Variants in SNX29 observed in about 807,000 individuals in gnomAD.
SNX29 encodes the protein sorting nexin-29.
SNX29 carries 78 observed loss-of-function variants against 102.1 expected under a neutral mutation model. The ratio of observed to expected loss-of-function variants is 0.76; its 90% CI spans 0.64 to 0.92. The LOEUF (loss-of-function observed/expected upper bound fraction) is 0.92. SNX29 is among the 40% of genes least tolerant of loss of function. The pLI is 0.00. For missense variants in SNX29, 1,280 were observed against 1,061.7 expected (o/e 1.21, Z -2.86); for synonymous variants, 580 against 414.5 (o/e 1.40, Z -4.85).
chr16:12,010,179 C>T (rs1182326803), intron 3 of SNX29, among the ~76,000 whole-genome samples: 1 of 152,156 alleles, frequency 6.6e-6, no homozygotes, highest in Non-Finnish European at 1.5e-5. Flanking sequence ...AGTAAGTTTC[C>T]AGTAATTGTT....
intron 11 of SNX29, among the ~76,000 whole-genome samples, chr16:12,101,394 T>A (rs1408066805): frequency 4.6e-5 from 7 of 151,566 alleles, no homozygotes; most frequent in South Asian, 2.1e-4. Context: ...TTATTTTTTT[T>A]TTTTTTTGAG....
chr16:12,007,256 G>C (rs1233348043), intron 3 of SNX29, among the ~76,000 whole-genome samples: 3 of 152,274 alleles, frequency 2.0e-5, no homozygotes, highest in Admixed American at 1.3e-4. Flanking sequence ...TATAATCCCA[G>C]CCTTTTGGGA....
chr16:12,429,206 A>G (rs2085211452), intron 18 of SNX29, among the ~76,000 whole-genome samples: 1 of 152,338 alleles, frequency 6.6e-6, no homozygotes. Flanking sequence ...ATTGCAAGTA[A>G]TATCTCCTTC....
chr16:12,401,107 A>G (rs1362145722), intron 17 of SNX29, among the ~76,000 whole-genome samples: 2 of 152,162 alleles, frequency 1.3e-5, no homozygotes, highest in East Asian at 3.9e-4. Flanking sequence ...TTGAGATTAC[A>G]GGCGTGAGCC....
intron 16 of SNX29, among the ~76,000 whole-genome samples, chr16:12,371,930 T>TTTCA (rs1452019326): frequency 1.5e-3 from 221 of 152,294 alleles, no homozygotes; most frequent in Non-Finnish European, 2.9e-4. Context: ...CGCTCTGCAT[T>TTTCA]TTCACCATTT....
At position 12,382,233 on chromosome 16, in the gene SNX29, G is replaced by A. The variant is rs140607578; in HGVS notation, c.1900-16213G>A. The stretch of plus-strand genomic sequence containing the variant: ...TCATTACTCCACCAGCAGGGAAGTC[G>A]TATTTCCCTGTTTTCTAACTGAGAA... On this transcript the variant is annotated intron_variant, in intron 16 of 20. Coordinates refer to ENST00000566228, the MANE Select transcript of SNX29 (RefSeq NM_032167.5). Among the ~76,000 whole-genome samples, 288 of 152,274 alleles carry A rather than the reference G, an allele frequency of 1.9e-3. 2 individuals carry two copies. The highest frequency in any genetic ancestry group is 6.5e-3 in the African/African-American group (269 of 41,552).
chr16:12,454,344 T>C (rs896931773), intron 18 of SNX29, among the ~76,000 whole-genome samples: 1 of 152,206 alleles, frequency 6.6e-6, no homozygotes, highest in African/African-American at 2.4e-5. Context: ...CCCTGCAGAC[T>C]GCTTGTCCAT....
chr16:12,286,465 C>T (rs1392324504), intron 15 of SNX29, among the ~76,000 whole-genome samples: 1 of 151,418 alleles, frequency 6.6e-6, no homozygotes, highest in Non-Finnish European at 1.5e-5. Flanking sequence ...TCTGCCTCAG[C>T]CTCCCAAGTA....
intron 14 of SNX29, among the ~76,000 whole-genome samples, chr16:12,248,154 C>T (rs2078314222): frequency 1.3e-5 from 2 of 152,154 alleles, no homozygotes; most frequent in Non-Finnish European, 2.9e-5. Context: ...CACTGTTGGG[C>T]CCTCTGAGGG....
At chr16:12,496,038 ACT>A (rs2088804886) in intron 19 of SNX29, among the ~76,000 whole-genome samples, 1 of 151,246 alleles carries the variant, frequency 6.6e-6, no homozygotes, top group South Asian at 2.1e-4. Context: ...ACAGGATGAG[ACT>A]CTGTCAAAAA....
At chr16:12,482,749 G>T (rs2088005955) in intron 19 of SNX29, among the ~76,000 whole-genome samples, 2 of 152,212 alleles carry the variant, frequency 1.3e-5, no homozygotes, top group African/African-American at 4.8e-5. Flanking sequence ...TATCCTTCTA[G>T]CCTGAATGTC....
Position 12,161,996 on chromosome 16 carries a change from G to A in SNX29, c.1595+32238G>A, listed in dbSNP as rs1156433599. ...AGTCTTTCCACAATTGTCGGCCCCC[G>A]AATCCCTCACCACCCCTGTTGGTTT... On this transcript the variant is annotated intron_variant, in intron 13 of 20. Transcript: ENST00000566228. 3.3e-5 allele frequency among the ~76,000 whole-genome samples: 5 copies of A among 152,118 alleles called. No individual in the cohort carries two copies. The South Asian group carries it at 6.2e-4, about 19-fold the overall frequency.
At chr16:12,348,554 G>C (rs1360931277) in intron 15 of SNX29, among the ~76,000 whole-genome samples, 1 of 152,186 alleles carries the variant, frequency 6.6e-6, no homozygotes, top group Admixed American at 6.5e-5. Context: ...GTGTACATGT[G>C]TGTGTGTGTG....
intron 8 of SNX29, among the ~76,000 whole-genome samples, chr16:12,059,658 C>A (rs911321867): frequency 1.3e-5 from 2 of 152,162 alleles, no homozygotes; most frequent in Admixed American, 6.5e-5. Flanking sequence ...ACCAAACCCG[C>A]CCCCAAGCAG....
rs140190761 is a variant in SNX29 at position 12,180,392 on chromosome 16, C to T, written c.1596-19209C>T. On this transcript the variant is annotated intron_variant, in intron 13 of 20. Coordinates refer to ENST00000566228, the MANE Select transcript of SNX29 (RefSeq NM_032167.5). Reference sequence around the variant, plus strand: ...GTCAAAGTCACTTGAGAATTTCTGGCGCATCTTTATCTGCAGCTATATTCT... The same window carrying T: ...GTCAAAGTCACTTGAGAATTTCTGGTGCATCTTTATCTGCAGCTATATTCT... Among the ~76,000 whole-genome samples, 17 of 152,198 alleles carry T rather than the reference C, an allele frequency of 1.1e-4. No homozygotes were observed. The East Asian group carries it at 2.3e-3, about 21-fold the overall frequency.
chr16:12,403,349 T>G, intron 17 of SNX29, 99 bp from the exon 18 acceptor site: 1 of 1,213,634 alleles, frequency 8.2e-7, no homozygotes, highest in Non-Finnish European at 1.2e-6. Flanking sequence ...GCATAATACC[T>G]CTTGGAGTAG....
chr16:12,195,859 C>T (rs76498464), intron 13 of SNX29, among the ~76,000 whole-genome samples: 27,648 of 152,022 alleles, frequency 0.18, 2,576 homozygotes, highest in East Asian at 0.27. Context: ...TAATGAGACA[C>T]CAAGTGTGTG....
chr16:11,999,005 C>T (rs1397362420), intron 1 of SNX29, among the ~76,000 whole-genome samples: 2 of 152,300 alleles, frequency 1.3e-5, no homozygotes, highest in South Asian at 2.1e-4. Flanking sequence ...GCTAATGCCA[C>T]GTAGTGTGTA....
At chr16:12,059,302 C>G (rs1475800700) in intron 8 of SNX29, among the ~76,000 whole-genome samples, 1 of 152,240 alleles carries the variant, frequency 6.6e-6, no homozygotes, top group Non-Finnish European at 1.5e-5. Context: ...CCCTGACCAC[C>G]TCTGGGTGCC....
Sources: gnomAD v4.1 joint callset for allele counts (sites outside exome capture counted in the v4.1 genomes callset) on GRCh38, gnomAD v4.1.1 for gene constraint, MANE v1.5 for transcripts, NCBI Gene and HGNC (gene_info 2026-07-23, HGNC 2026-07-21) for gene names.